Variants in MYO5B observed in about 807,000 individuals in gnomAD.
MYO5B encodes myosin VB, also known as unconventional myosin-Vb.
Under a neutral mutation model 229.3 loss-of-function variants are expected in MYO5B, and 143 were observed. That is an observed-to-expected ratio of 0.62 (90% CI 0.54 to 0.72). The LOEUF (loss-of-function observed/expected upper bound fraction) is 0.72, where lower values mean the gene tolerates loss of function less well. Among genes scored for constraint, MYO5B ranks in the 30% least tolerant of loss-of-function variants. MYO5B has a pLI of 0.00. For synonymous variants in MYO5B, 918 were observed against 885.2 expected (o/e 1.04, Z -0.66); for missense variants, 2,321 against 2,331.0 (o/e 1.00, Z 0.09).
intron 1 of MYO5B, chr18:50,098,701 A>G (rs1300488999): frequency 6.6e-6 from 1 of 152,312 alleles, no homozygotes; most frequent in Non-Finnish European, 1.5e-5. Context: ...TGGACAATGT[A>G]GTAAGCTCCT....
chr18:50,023,061 C>T (rs2026293690), intron 4 of MYO5B, among the ~76,000 whole-genome samples: 1 of 151,606 alleles, frequency 6.6e-6, no homozygotes, highest in Non-Finnish European at 1.5e-5. Context: ...AAAGGGTCTT[C>T]TAGGCATCTT....
At chr18:50,149,734 A>G (rs1375953438) in intron 1 of MYO5B, among the ~76,000 whole-genome samples, 1 of 152,172 alleles carries the variant, frequency 6.6e-6, no homozygotes, top group Non-Finnish European at 1.5e-5. Context: ...TAAAAACCCT[A>G]GAAGAAAACC....
At chr18:49,924,507 G>A (rs2025108613) in intron 17 of MYO5B, among the ~76,000 whole-genome samples, 1 of 152,232 alleles carries the variant, frequency 6.6e-6, no homozygotes, top group Non-Finnish European at 1.5e-5. Context: ...GGCTCTTTCA[G>A]CTTTCTGGCA....
chr18:49,980,024 G>A (rs574329754), intron 9 of MYO5B, among the ~76,000 whole-genome samples: 1 of 152,176 alleles, frequency 6.6e-6, no homozygotes, highest in African/African-American at 2.4e-5. Flanking sequence ...CTTGGCAAGG[G>A]TTGCCACCTG....
chr18:50,145,449 G>C (rs1043185247), intron 1 of MYO5B, among the ~76,000 whole-genome samples: 6 of 129,638 alleles, frequency 4.6e-5, no homozygotes, highest in African/African-American at 1.5e-4. Context: ...ATTGAGCTGA[G>C]ATCACACCAC....
At chr18:50,019,289 A>G (rs962103516) in intron 4 of MYO5B, among the ~76,000 whole-genome samples, 12 of 152,214 alleles carry the variant, frequency 7.9e-5, no homozygotes, top group African/African-American at 2.9e-4. Context: ...GAGATGGGTA[A>G]CGACTAAGCC....
At chr18:49,978,040 C>T (rs928973303) in intron 9 of MYO5B, among the ~76,000 whole-genome samples, 4 of 152,228 alleles carry the variant, frequency 2.6e-5, no homozygotes, top group African/African-American at 7.2e-5. Context: ...GATTGCAGAA[C>T]AATGGAAGAC....
At chr18:49,933,917 C>T (rs925400949) in intron 16 of MYO5B, among the ~76,000 whole-genome samples, 1 of 152,176 alleles carries the variant, frequency 6.6e-6, no homozygotes, top group African/African-American at 2.4e-5. Flanking sequence ...CCTCTGTCAT[C>T]CAGGCTGGAG....
chr18:50,043,430 A>T lies in MYO5B; in HGVS notation c.139-3116T>A, dbSNP rs1379568997. ...AATATTAAATATTTAAATATATTTA[A>T]ATATATTAAATATTAAATATTTAAA... On this transcript the variant is annotated intron_variant, in intron 2 of 39. Transcript: ENST00000285039. Among the ~76,000 whole-genome samples, 18 of 113,132 alleles carry T rather than the reference A, an allele frequency of 1.6e-4. No individual in the cohort carries two copies. In the South Asian group the frequency reaches 3.6e-3, roughly 23 times the overall value. 74.2% of individuals were successfully genotyped at this position (113,132 alleles called of 152,430 possible). A position where few individuals can be genotyped will look rare whatever the true frequency, so the allele number is the denominator to read the frequency against.
At chr18:50,079,531 C>T (rs1599004949) in intron 1 of MYO5B, among the ~76,000 whole-genome samples, 4 of 152,298 alleles carry the variant, frequency 2.6e-5, no homozygotes, top group Admixed American at 2.6e-4. Context: ...TGAGGCAGAG[C>T]CCTTCCCTCA....
At chr18:49,991,887 T>C (rs562667188) in intron 6 of MYO5B, among the ~76,000 whole-genome samples, 1 of 152,296 alleles carries the variant, frequency 6.6e-6, no homozygotes, top group South Asian at 2.1e-4. Flanking sequence ...CCAAGTATAA[T>C]CTATTTTTTA....
chr18:49,948,880 T>C (rs2025403104), intron 14 of MYO5B, among the ~76,000 whole-genome samples: 2 of 152,236 alleles, frequency 1.3e-5, no homozygotes. Flanking sequence ...GGTGAATTTG[T>C]ATTTTATTTT....
At chr18:50,082,130 G>A (rs1165800369) in intron 1 of MYO5B, among the ~76,000 whole-genome samples, 2 of 152,230 alleles carry the variant, frequency 1.3e-5, no homozygotes, top group African/African-American at 2.4e-5. Flanking sequence ...AGCCTCAAGT[G>A]TGATGGGGCT....
Position 49,878,335 on chromosome 18 carries a change from T to C in MYO5B, c.3277-453A>G, listed in dbSNP as rs539989112. ...TATACTGTTCATTTAAAAATACTTT[T>C]TTTTTTCCTGCATCTGATTTGGCTG... On this transcript the variant is annotated intron_variant, in intron 24 of 39. Coordinates refer to ENST00000285039, the MANE Select transcript of MYO5B (RefSeq NM_001080467.3). 2.6e-5 allele frequency among the ~76,000 whole-genome samples: 4 copies of C among 152,302 alleles called. No individual in the cohort carries two copies. The East Asian group carries it at 5.8e-4, about 22-fold the overall frequency.
In MYO5B at chr18:49,980,466, T is replaced by C. The variant is rs1461138754; in HGVS notation, c.1034A>G (p.Asp345Gly). 6.2e-7 allele frequency: 1 copy of C among 1,612,930 alleles called. No homozygotes were observed. Among genetic ancestry groups the C allele is most frequent in the South Asian group, 1.1e-5 (1 of 91,062 alleles). Reference sequence around the variant, plus strand: ...TACTGATATACTACAGGAATCACCATCACGCTCAGCCTGAATCGCCACACT... The same window carrying C: ...TACTGATATACTACAGGAATCACCACCACGCTCAGCCTGAATCGCCACACT... ...LGSVAIQAERDGDSCSISPQD... is the reference protein window; with the variant it reads ...LGSVAIQAERGGDSCSISPQD... Residue 345 changes from aspartate (D) to glycine (G), a missense_variant, in exon 9 of 40, where the codon GAT becomes GGT. Physicochemically the swap from Asp to Gly is moderately conservative, Grantham distance 94. Coordinates refer to ENST00000285039, the MANE Select transcript of MYO5B (RefSeq NM_001080467.3).
At chr18:49,945,817 C>CCTT (rs1234848450) in intron 14 of MYO5B, among the ~76,000 whole-genome samples, 1 of 151,902 alleles carries the variant, frequency 6.6e-6, no homozygotes, top group Non-Finnish European at 1.5e-5. Flanking sequence ...GGCCAGAGAG[C>CCTT]CAAGACACAG....
rs1410749819 is a variant in MYO5B at position 50,043,297 on chromosome 18, A to G, written c.139-2983T>C. Among the ~76,000 whole-genome samples, 26 of 100,758 alleles carry G rather than the reference A, an allele frequency of 2.6e-4. 1 individual carries two copies. The highest frequency in any genetic ancestry group is 1.0e-3 in the African/African-American group (25 of 24,824). 66.1% of individuals were successfully genotyped at this position (100,758 alleles called of 152,430 possible). ...ATATATTTATATTTATATATTATAT[A>G]TAATATATAATATAAATATATAAAA... On this transcript the variant is annotated intron_variant, in intron 2 of 39. Transcript: ENST00000285039.
At chr18:50,163,370 C>A (rs1259599342) in intron 1 of MYO5B, among the ~76,000 whole-genome samples, 2 of 129,414 alleles carry the variant, frequency 1.5e-5, no homozygotes, top group African/African-American at 5.5e-5. Flanking sequence ...ACAAGGGCAC[C>A]ATTCATGTTC....
intron 1 of MYO5B, among the ~76,000 whole-genome samples, chr18:50,110,308 T>C (rs2031842638): frequency 6.6e-6 from 1 of 152,126 alleles, no homozygotes; most frequent in African/African-American, 2.4e-5. Context: ...CTAAATACTT[T>C]ATCCTGCTTA....
Sources: allele counts gnomAD v4.1 joint callset (sites outside exome capture counted in the v4.1 genomes callset), GRCh38; gene constraint gnomAD v4.1.1; transcripts MANE v1.5; gene names NCBI Gene and HGNC (gene_info 2026-07-23, HGNC 2026-07-21).